Variants in RBFOX1 observed in about 807,000 individuals in gnomAD.
The protein encoded by RBFOX1 is RNA binding protein fox-1 homolog 1.
Under a neutral mutation model 57.7 loss-of-function variants are expected in RBFOX1, and 8 were observed. The observed-to-expected ratio is 0.14, with a 90% CI of 0.08 to 0.25. The LOEUF (loss-of-function observed/expected upper bound fraction) is 0.25, where lower values mean the gene tolerates loss of function less well. RBFOX1 is among the 10% of genes least tolerant of loss of function. The pLI is 1.00. For synonymous variants in RBFOX1, 326 were observed against 222.4 expected, an observed-to-expected ratio of 1.47 and a Z score of -4.15; for missense variants, 611 against 548.5, an observed-to-expected ratio of 1.11 and a Z score of -1.14.
intron 3 of RBFOX1, among the ~76,000 whole-genome samples, chr16:5,697,691 GC>G (rs2050891948): frequency 1.4e-5 from 1 of 71,300 alleles, no homozygotes; most frequent in South Asian, 6.8e-4. Context: ...GCGCCACCAC[GC>G]TCGGCTAATT....
chr16:6,153,337 C>A (rs1042692137), intron 1 of RBFOX1, among the ~76,000 whole-genome samples: 4 of 152,096 alleles, frequency 2.6e-5, no homozygotes, highest in Admixed American at 1.3e-4. Context: ...AAAAACAAAA[C>A]CATTTTGAAT....
At chr16:7,693,900 T>G (rs1354533915) in intron 14 of RBFOX1, among the ~76,000 whole-genome samples, 1 of 152,194 alleles carries the variant, frequency 6.6e-6, no homozygotes, top group Non-Finnish European at 1.5e-5. Flanking sequence ...TCTATTTCCT[T>G]TCTTATAAAA....
intron 3 of RBFOX1, among the ~76,000 whole-genome samples, chr16:7,002,130 G>A (rs1264797215): frequency 6.6e-6 from 1 of 151,836 alleles, no homozygotes; most frequent in Non-Finnish European, 1.5e-5. Flanking sequence ...TGTTGATCTT[G>A]TTAGGTGAGT....
chr16:5,876,675 G>T (rs780209515), intron 4 of RBFOX1, among the ~76,000 whole-genome samples: 1 of 152,070 alleles, frequency 6.6e-6, no homozygotes, highest in African/African-American at 2.4e-5. Context: ...ATTTCCTACA[G>T]TTTTGACACC....
chr16:7,254,751 T>C (rs538468706), intron 4 of RBFOX1, among the ~76,000 whole-genome samples: 16 of 152,266 alleles, frequency 1.1e-4, no homozygotes, highest in Admixed American at 5.9e-4. Context: ...AGGCATTACG[T>C]CTCTGAAGCA....
At chr16:6,086,204 C>T (rs1399557795) in intron 1 of RBFOX1, among the ~76,000 whole-genome samples, 1 of 152,038 alleles carries the variant, frequency 6.6e-6, no homozygotes, top group East Asian at 1.9e-4. Context: ...GTACCACTTA[C>T]CTAGTAATAG....
chr16:6,070,775 G>A (rs2152484104), intron 1 of RBFOX1, among the ~76,000 whole-genome samples: 1 of 151,706 alleles, frequency 6.6e-6, no homozygotes, highest in South Asian at 2.1e-4. Context: ...GTTTCCCCAA[G>A]AAGTTAGCTC....
chr16:7,065,587 C>T (rs1176191733), intron 4 of RBFOX1, among the ~76,000 whole-genome samples: 1 of 152,140 alleles, frequency 6.6e-6, no homozygotes, highest in Non-Finnish European at 1.5e-5. Flanking sequence ...AGTATGTGTA[C>T]ATTGTGAAAT....
intron 2 of RBFOX1, among the ~76,000 whole-genome samples, chr16:6,592,638 G>C (rs565288013): frequency 1.2e-4 from 19 of 152,264 alleles, no homozygotes; most frequent in African/African-American, 4.6e-4. Flanking sequence ...CGGAAGTTCT[G>C]CTACTAAGTA....
chr16:7,664,866 T>TGG, intron 12 of RBFOX1, 63 bp from the exon 13 acceptor site: 4 of 1,613,720 alleles, frequency 2.5e-6, no homozygotes, highest in Non-Finnish European at 3.4e-6. Context: ...GTGCAGGGGT[T>TGG]GGTGTGTCTG....
At chr16:5,464,609 G>A (rs2068896264) in intron 1 of RBFOX1, among the ~76,000 whole-genome samples, 1 of 132,342 alleles carries the variant, frequency 7.6e-6, no homozygotes, top group South Asian at 2.4e-4. Context: ...TCTCAGTACA[G>A]TGTTCTCCTC....
Position 6,880,708 on chromosome 16 carries a change from A to C in RBFOX1, c.-15-171349A>C, listed in dbSNP as rs375596235. Among the ~76,000 whole-genome samples the C allele has an allele frequency of 5.9e-5, 9 of 152,334 alleles. No individual in the cohort carries two copies. In the East Asian group the frequency reaches 1.7e-3, roughly 29 times the overall value. On this transcript the variant is annotated intron_variant, in intron 3 of 15. Coordinates refer to ENST00000550418, the MANE Select transcript of RBFOX1 (RefSeq NM_018723.4). ...CTGAGCTGTATGATGTTCCAGAGTCAGTTTGACTTCTTGGACGATGATTAT... is the reference window on the plus strand; with the variant it reads ...CTGAGCTGTATGATGTTCCAGAGTCCGTTTGACTTCTTGGACGATGATTAT...
intron 4 of RBFOX1, among the ~76,000 whole-genome samples, chr16:7,450,433 C>T (rs1041172019): frequency 1.4e-5 from 2 of 139,738 alleles, no homozygotes; most frequent in African/African-American, 5.3e-5. Context: ...TTACAGAAAG[C>T]AAGTTCAAAA....
At chr16:6,512,893 C>A (rs938431520) in intron 2 of RBFOX1, among the ~76,000 whole-genome samples, 2 of 152,182 alleles carry the variant, frequency 1.3e-5, no homozygotes, top group Non-Finnish European at 2.9e-5. Context: ...AGGTTTTTAA[C>A]TAGAGAGAAT....
intron 3 of RBFOX1, among the ~76,000 whole-genome samples, chr16:5,793,102 C>T (rs778606449): frequency 7.9e-5 from 12 of 152,164 alleles, no homozygotes; most frequent in Non-Finnish European, 1.5e-4. Context: ...AGGCTATGTC[C>T]AGGTGTCGGT....
In RBFOX1 at chr16:5,616,045, C is replaced by G. The variant is rs868821312; in HGVS notation, c.318+17084C>G. 2.0e-5 allele frequency: 3 copies of G among 152,600 alleles called. No individual in the cohort carries two copies. The East Asian group carries it at 5.8e-4, about 29-fold the overall frequency. 9.5% of individuals were successfully genotyped at this position (152,600 alleles called of 1,614,324 possible). ...TCAGATCTGAACCCAGAGCTCTTCT[C>G]CACTCCCCTCCCTGCTCCGGGGTCT... On this transcript the variant is annotated intron_variant, in intron 3 of 19. Transcript: ENST00000641259.
chr16:7,433,227 C>T (rs539141935), intron 4 of RBFOX1, among the ~76,000 whole-genome samples: 20 of 152,232 alleles, frequency 1.3e-4, no homozygotes, highest in African/African-American at 3.9e-4. Flanking sequence ...AAAAGGTTTT[C>T]TTGCCTCTTC....
intron 4 of RBFOX1, among the ~76,000 whole-genome samples, chr16:7,282,452 T>C (rs185645346): frequency 6.6e-6 from 1 of 152,296 alleles, no homozygotes; most frequent in African/African-American, 2.4e-5. Context: ...GCATGAAATA[T>C]GGGGAAATAC....
At chr16:7,333,975 A>G (rs573215347) in intron 4 of RBFOX1, among the ~76,000 whole-genome samples, 1 of 152,298 alleles carries the variant, frequency 6.6e-6, no homozygotes, top group African/African-American at 2.4e-5. Context: ...TTCTACAGAA[A>G]AGGAAAACAA....
Sources: gnomAD v4.1 joint callset for allele counts (sites outside exome capture counted in the v4.1 genomes callset) on GRCh38, gnomAD v4.1.1 for gene constraint, MANE v1.5 for transcripts, NCBI Gene and HGNC (gene_info 2026-07-23, HGNC 2026-07-21) for gene names.